Variants in REPS2 observed in about 807,000 individuals in gnomAD.
REPS2 encodes the protein RALBP1 associated Eps domain containing 2, also known as ralBP1-associated Eps domain-containing protein 2.
In REPS2, 23 loss-of-function variants were observed where a neutral mutation model predicts 53.6. The observed-to-expected ratio is 0.43, with a 90% CI of 0.31 to 0.61. The LOEUF is 0.61. Ranked by LOEUF, REPS2 falls within the 20% of genes least tolerant of loss-of-function variation. The pLI, the probability that REPS2 is intolerant of heterozygous loss-of-function variation, is 0.11. For synonymous variants in REPS2, 238 were observed against 218.6 expected, an observed-to-expected ratio of 1.09 and a Z score of -0.78; for missense variants, 446 against 534.9, an observed-to-expected ratio of 0.83 and a Z score of 1.64.
intron 1 of REPS2, among the ~76,000 whole-genome samples, chrX:17,001,370 T>G (rs761112804): frequency 1.8e-5 from 2 of 112,533 alleles, no homozygotes; most frequent in South Asian, 7.4e-4. Context: ...GCTGTGTACC[T>G]CTCACTATAT....
rs778165157 is a variant in REPS2 at position 17,129,184 on chromosome X, T to C, written c.1579-4640T>C. On this transcript the variant is annotated intron_variant, in intron 14 of 17. Transcript: ENST00000357277. Reference sequence around the variant, plus strand: ...CACTGAGGCCCCTTGTTTTCTTGGATTATCATTCTTCCAAAGTTGGTAACT... The same window carrying C: ...CACTGAGGCCCCTTGTTTTCTTGGACTATCATTCTTCCAAAGTTGGTAACT... 4.0e-4 allele frequency among the ~76,000 whole-genome samples: 45 copies of C among 111,830 alleles called. No homozygotes were observed. In the Middle Eastern group the frequency reaches 0.018, roughly 45 times the overall value.
Position 17,108,203 on chromosome X carries a change from C to T in REPS2, c.1578+4424C>T, listed in dbSNP as rs78892557. Among the ~76,000 whole-genome samples the T allele has an allele frequency of 4.1e-4, 42 of 102,776 alleles. 1 individual carries two copies. The East Asian group carries it at 0.012, about 30-fold the overall frequency. The allele number at this position is 102,776 out of a possible 115,157, so 89.2% of individuals were successfully genotyped here. ...TTTTTTTTTTTTTGAGATGGAGTTTCGCTCTTGTTGCCCAGGCTGGAGTGC... is the reference window on the plus strand; with the variant it reads ...TTTTTTTTTTTTTGAGATGGAGTTTTGCTCTTGTTGCCCAGGCTGGAGTGC... On this transcript the variant is annotated intron_variant, in intron 14 of 17. Coordinates refer to ENST00000357277, the MANE Select transcript of REPS2 (RefSeq NM_004726.3).
At chrX:17,074,823 C>A (rs969456830) in intron 12 of REPS2, among the ~76,000 whole-genome samples, 14 of 111,887 alleles carry the variant, frequency 1.3e-4, no homozygotes, top group Admixed American at 1.1e-3. Context: ...ACTGGTAGAA[C>A]TGCAGTGTAA....
intron 12 of REPS2, among the ~76,000 whole-genome samples, chrX:17,074,950 A>T (rs182113589): frequency 4.5e-5 from 5 of 111,945 alleles, no homozygotes; most frequent in Non-Finnish European, 9.4e-5. Context: ...AAGTCTGATC[A>T]TATTTTATAT....
chrX:16,964,280 C>T (rs2147648781), intron 1 of REPS2, among the ~76,000 whole-genome samples: 1 of 109,464 alleles, frequency 9.1e-6, no homozygotes, highest in African/African-American at 3.3e-5. Flanking sequence ...GCACATCTTG[C>T]ACCGCCCTTA....
intron 2 of REPS2, among the ~76,000 whole-genome samples, chrX:17,011,057 CTGTGTGTGTGTG>C (rs60541913): frequency 2.0e-5 from 2 of 102,506 alleles, no homozygotes; most frequent in African/African-American, 7.2e-5. Context: ...TTTGCTTAAA[CTGTGTGTGTGTG>C]TGTGTGTGTG....
At chrX:16,994,042 C>T (rs2061195264) in intron 1 of REPS2, among the ~76,000 whole-genome samples, 1 of 112,491 alleles carries the variant, frequency 8.9e-6, no homozygotes, top group Non-Finnish European at 1.9e-5. Context: ...ATATTGGATG[C>T]CTCCACCTAC....
chrX:17,057,486 G>A (rs765579380), intron 8 of REPS2, among the ~76,000 whole-genome samples: 2 of 112,315 alleles, frequency 1.8e-5, no homozygotes, highest in South Asian at 3.7e-4. Context: ...ATATGTGAAG[G>A]GGAGAGTTCA....
intron 4 of REPS2, among the ~76,000 whole-genome samples, chrX:17,028,513 A>G (rs1438791936): frequency 8.9e-6 from 1 of 112,022 alleles, no homozygotes; most frequent in Admixed American, 9.5e-5. Context: ...TTGCCAGGCA[A>G]TTGTTTTGCT....
chrX:17,093,897 C>T (rs1401786168), intron 13 of REPS2, among the ~76,000 whole-genome samples: 2 of 111,521 alleles, frequency 1.8e-5, no homozygotes, highest in Non-Finnish European at 3.8e-5. Context: ...CAGAGTTCCT[C>T]TTATGAAATT....
At chrX:17,067,300 T>C (rs965460821) in intron 9 of REPS2, among the ~76,000 whole-genome samples, 1 of 111,770 alleles carries the variant, frequency 8.9e-6, no homozygotes, top group Non-Finnish European at 1.9e-5. Context: ...CTTTGAGGTA[T>C]AATTGACAAA....
At chrX:16,970,146 AATT>A (rs1181867855) in intron 1 of REPS2, among the ~76,000 whole-genome samples, 1 of 110,320 alleles carries the variant, frequency 9.1e-6, no homozygotes, top group Admixed American at 9.6e-5. Context: ...ACATTCTTGC[AATT>A]ATTATTGTTA....
chrX:17,006,789 G>A (rs1469047039), intron 2 of REPS2, among the ~76,000 whole-genome samples: 1 of 111,772 alleles, frequency 8.9e-6, no homozygotes, highest in Non-Finnish European at 1.9e-5. Flanking sequence ...CCAAAGCACT[G>A]TTCTGATGCT....
chrX:16,967,987 G>C (rs865925869), intron 1 of REPS2, among the ~76,000 whole-genome samples: 63 of 110,822 alleles, frequency 5.7e-4, no homozygotes, highest in Non-Finnish European at 1.1e-3. Context: ...AGGACTCTGC[G>C]GCCTTCCGCA....
rs777063869 is a variant in REPS2, at chrX:17,047,441, A to G, written c.866A>G (p.Gln289Arg). 1.7e-6 allele frequency: 2 copies of G among 1,210,046 alleles called. No homozygotes were observed. Among genetic ancestry groups the G allele is most frequent in the Admixed American group, 2.2e-5 (1 of 45,561 alleles). ...GAACAGCGCGAGTACTATGTCAATCAGTTCCGATCCCTTCAGCCAGACCCA... is the reference window on the plus strand; with the variant it reads ...GAACAGCGCGAGTACTATGTCAATCGGTTCCGATCCCTTCAGCCAGACCCA... Reference protein sequence around the residue: ...TEEQREYYVNQFRSLQPDPSS... With the variant: ...TEEQREYYVNRFRSLQPDPSS... Residue 289 changes from glutamine to arginine, a missense_variant, in exon 6 of 18, where the codon CAG (glutamine) becomes CGG (arginine). Gln to Arg is a conservative substitution (Grantham distance 43). Transcript: ENST00000357277.
chrX:17,051,805 TATGTAAC>T (rs2062006696), intron 6 of REPS2, among the ~76,000 whole-genome samples: 1 of 112,303 alleles, frequency 8.9e-6, no homozygotes, highest in Non-Finnish European at 1.9e-5. Context: ...GTCTTGCAGT[TATGTAAC>T]ATGTAAAGTG....
chrX:16,977,466 G>A (rs763909141), intron 1 of REPS2, among the ~76,000 whole-genome samples: 3 of 110,725 alleles, frequency 2.7e-5, no homozygotes, highest in Non-Finnish European at 5.7e-5. Flanking sequence ...TGTAATCCCA[G>A]CACTTTGGGA....
intron 6 of REPS2, 52 bp downstream of exon 6, chrX:17,047,534 C>T (rs749006785): frequency 2.6e-6 from 3 of 1,161,149 alleles, no homozygotes; most frequent in Non-Finnish European, 3.5e-6. Flanking sequence ...TAGCCACCAT[C>T]TTGAGAAATC....
At chrX:17,111,972 G>A (rs1382221297) in intron 14 of REPS2, among the ~76,000 whole-genome samples, 1 of 110,699 alleles carries the variant, frequency 9.0e-6, no homozygotes, top group Non-Finnish European at 1.9e-5. Context: ...AATGGAAAGA[G>A]GATTTTTTTT....
Sources: gnomAD v4.1 joint callset for allele counts (sites outside exome capture counted in the v4.1 genomes callset) on GRCh38, gnomAD v4.1.1 for gene constraint, MANE v1.5 for transcripts, NCBI Gene and HGNC (gene_info 2026-07-23, HGNC 2026-07-21) for gene names.